The following TASOR variants were observed in gnomAD, a reference collection of about 807,000 sequenced individuals.
TASOR encodes transcription activation suppressor, also known as protein TASOR.
A neutral mutation model predicts 178.6 loss-of-function variants in TASOR; 53 were observed. That is an observed-to-expected ratio of 0.30 (90% CI 0.24 to 0.37). The LOEUF (loss-of-function observed/expected upper bound fraction) is 0.37. TASOR is among the 10% of genes least tolerant of loss of function. The probability of loss-of-function intolerance (pLI) is 1.00; values close to 1 mark genes in which losing one functional copy is unlikely to be tolerated. For missense variants in TASOR, 1,815 were observed against 1,971.4 expected (o/e 0.92, Z 1.50); for synonymous variants, 713 against 696.2 (o/e 1.02, Z -0.38).
chr3:56,669,892 T>C, intron 4 of TASOR, 101 bp from the exon 5 acceptor site: 1 of 975,252 alleles, frequency 1.0e-6, no homozygotes, highest in East Asian at 2.7e-5. Flanking sequence ...CAATTTGAGG[T>C]GTTCAAAAAT....
intron 7 of TASOR, among the ~76,000 whole-genome samples, chr3:56,665,651 G>C (rs1167124103): frequency 6.6e-6 from 1 of 151,854 alleles, no homozygotes; most frequent in Non-Finnish European, 1.5e-5. Context: ...GAGCCACTGC[G>C]CCTGGCCAAA....
rs184847448 is a variant in TASOR at position 56,636,701 on chromosome 3, A to T, written c.2824+2005T>A. Among the ~76,000 whole-genome samples, 130 of 151,520 alleles carry T rather than the reference A, an allele frequency of 8.6e-4. No homozygotes were observed. The East Asian group carries it at 0.018, about 20-fold the overall frequency. On this transcript the variant is annotated intron_variant, in intron 17 of 23. Transcript: ENST00000683822. ...CAAACATGAGACACCGTGCTTTTTTAAAAAAAAACTTATTGCCATTAAATA... is the reference window on the plus strand; with the variant it reads ...CAAACATGAGACACCGTGCTTTTTTTAAAAAAAACTTATTGCCATTAAATA...
chr3:56,660,892 C>T (rs779661256), intron 10 of TASOR, 22 bp downstream of exon 10: 1 of 1,607,022 alleles, frequency 6.2e-7, no homozygotes, highest in Admixed American at 1.7e-5. Flanking sequence ...TAATGCATTT[C>T]AATAAAATTA....
In TASOR at chr3:56,669,614, C is replaced by A. The variant is rs2030459305; in HGVS notation, c.735+86G>T. 29 of 798,724 alleles carry A rather than the reference C, an allele frequency of 3.6e-5. No homozygotes were observed. In the South Asian group the frequency reaches 5.2e-4, roughly 14 times the overall value. The allele number at this position is 798,724 out of a possible 1,614,324, so 49.5% of individuals were successfully genotyped here. On this transcript the variant is annotated intron_variant, in intron 5 of 23. Coordinates refer to ENST00000683822, the MANE Select transcript of TASOR (RefSeq NM_001365635.2). ...ACACTAACAAGCATGAACTTTTAAA[C>A]AATCTCCTAAAAACAGCATCATCTA... is the stretch of plus-strand genomic sequence containing the variant.
chr3:56,663,613 G>A, intron 7 of TASOR, 41 bp from the exon 8 acceptor site: 1 of 1,287,126 alleles, frequency 7.8e-7, no homozygotes, highest in Non-Finnish European at 1.0e-6. Context: ...TTACTCATTA[G>A]TATAATCATA....
At chr3:56,631,176 CAGTA>C (rs1360639544) in intron 18 of TASOR, among the ~76,000 whole-genome samples, 1 of 152,168 alleles carries the variant, frequency 6.6e-6, no homozygotes, top group Non-Finnish European at 1.5e-5. Context: ...CATTAGCAAT[CAGTA>C]AGGAAAGCCC....
chr3:56,682,311 T>G (rs2031864856), intron 1 of TASOR, among the ~76,000 whole-genome samples: 1 of 152,178 alleles, frequency 6.6e-6, no homozygotes, highest in Non-Finnish European at 1.5e-5. Context: ...CCACGGGCTA[T>G]TTCCATAGCG....
rs771559537 is a variant in TASOR at position 56,682,871 on chromosome 3, G to GGCCGCC, written c.130_135dup (p.Gly44_Gly45dup). 30 of 1,549,102 alleles carry GGCCGCC rather than the reference G, an allele frequency of 1.9e-5. No homozygotes were observed. Among genetic ancestry groups the GGCCGCC allele is most frequent in the East Asian group, 2.4e-5 (1 of 40,840 alleles). The stretch of plus-strand genomic sequence containing the variant: ...CCGCCGCTGGGCTCAGCGATGTTGA[G>GGCCGCC]GCCGCCGCCGCCGCCATTTTGTTGG... On this transcript the variant is annotated inframe_insertion, in exon 1 of 24. Transcript: ENST00000683822.
At position 56,668,569 on chromosome 3, in the gene TASOR, G is replaced by C. The variant is rs1400986741; in HGVS notation, c.736-11C>G. ...ACTCTTTATTTTACCCTAAAATAGAGAAAACCTTTTAAGTGTCTACCTAAA... is the reference window on the plus strand; with the variant it reads ...ACTCTTTATTTTACCCTAAAATAGACAAAACCTTTTAAGTGTCTACCTAAA... On this transcript the variant is annotated splice_polypyrimidine_tract_variant and intron_variant, in intron 5 of 23. Transcript: ENST00000683822. 2.0e-6 allele frequency: 3 copies of C among 1,527,108 alleles called. No homozygotes were observed. Among genetic ancestry groups the C allele is most frequent in the Non-Finnish European group, 1.8e-6 (2 of 1,135,984 alleles). 94.6% of individuals were successfully genotyped at this position (1,527,108 alleles called of 1,614,324 possible). A position where few individuals can be genotyped will look rare whatever the true frequency, so the allele number is the denominator to read the frequency against.
At chr3:56,642,815 A>C (rs1030657058) in intron 14 of TASOR, among the ~76,000 whole-genome samples, 3 of 152,158 alleles carry the variant, frequency 2.0e-5, no homozygotes, top group Non-Finnish European at 4.4e-5. Flanking sequence ...TCTACTAAAA[A>C]AATACAAAAA....
At chr3:56,658,800 G>A (rs866812879) in intron 11 of TASOR, among the ~76,000 whole-genome samples, 3 of 152,036 alleles carry the variant, frequency 2.0e-5, no homozygotes, top group Admixed American at 6.6e-5. Context: ...CCAGCTACTC[G>A]AGAAGCTGAG....
Position 56,651,439 on chromosome 3 carries a change from A to T in TASOR, c.1369-2382T>A, listed in dbSNP as rs148147994. ...GCCAGGCGCAGTGGCTCATGCCTGT[A>T]ATCTCAGCACTTTGGGAAGTCGAAG... On this transcript the variant is annotated intron_variant, in intron 11 of 23. Transcript: ENST00000683822. Among the ~76,000 whole-genome samples the T allele has an allele frequency of 5.6e-3, 848 of 152,302 alleles. 5 individuals are homozygous for T. The highest frequency in any genetic ancestry group is 8.1e-3 in the Admixed American group (124 of 15,300).
At position 56,640,057 on chromosome 3, in the gene TASOR, A is replaced by G; in HGVS notation, c.2693T>C (p.Phe898Ser). ...LCPSVPIEHG[F>S]RRQQSKSNNV... ...ATTTGACTTAGACTGTTGTCTACGAAATCCATGTTCAATGGGAACACTGGG... is the reference window on the plus strand; with the variant it reads ...ATTTGACTTAGACTGTTGTCTACGAGATCCATGTTCAATGGGAACACTGGG... The change falls in exon 16 of 24, where the codon TTT becomes TCT. Residue 898 changes from phenylalanine to serine, a missense_variant. Coordinates refer to ENST00000683822, the MANE Select transcript of TASOR (RefSeq NM_001365635.2). 6.2e-7 allele frequency: 1 copy of G among 1,613,248 alleles called. No individual in the cohort carries two copies. Among genetic ancestry groups the G allele is most frequent in the Non-Finnish European group, 8.5e-7 (1 of 1,179,426 alleles).
chr3:56,677,864 A>G (rs1036807270), intron 1 of TASOR, among the ~76,000 whole-genome samples: 7 of 152,222 alleles, frequency 4.6e-5, no homozygotes, highest in African/African-American at 1.4e-4. Context: ...ATAAAGGTTA[A>G]CAGCAGTAGC....
Position 56,628,564 on chromosome 3 carries a change from CA to C in TASOR, c.3797del (p.Leu1266TrpfsTer7). The part of the protein sequence containing the change: ...GNTECHPEQF[L>X]ERRSKLDKLL... The stretch of plus-strand genomic sequence containing the variant: ...GTTTATCTAATTTTGATCTTCTTTC[CA>C]AAAACTGTTCAGGATGACATTCTGT... On this transcript the variant is annotated frameshift_variant, in exon 19 of 24. Transcript: ENST00000683822. LOFTEE classifies it high-confidence loss of function. The C allele has an allele frequency of 1.3e-6, 2 of 1,595,854 alleles. No homozygotes were observed. Among genetic ancestry groups the C allele is most frequent in the Non-Finnish European group, 1.7e-6 (2 of 1,166,588 alleles).
chr3:56,623,806 A>C, intron 23 of TASOR: 1 of 1,551,396 alleles, frequency 6.4e-7, no homozygotes, highest in Non-Finnish European at 8.7e-7. Context: ...GGGAAATCCC[A>C]ACTCCCAGCT....
intron 2 of TASOR, among the ~76,000 whole-genome samples, chr3:56,672,992 C>T (rs974915583): frequency 2.0e-5 from 3 of 151,954 alleles, no homozygotes; most frequent in Non-Finnish European, 2.9e-5. Flanking sequence ...AGCTAATTTT[C>T]GTAGAGACGG....
At chr3:56,645,264 A>AT (rs72065014) in intron 14 of TASOR, among the ~76,000 whole-genome samples, 1 of 152,148 alleles carries the variant, frequency 6.6e-6, no homozygotes, top group Non-Finnish European at 1.5e-5. Context: ...ACGGAGTGAG[A>AT]TTTTGTCTCA....
chr3:56,623,886 A>G, intron 23 of TASOR: 1 of 1,505,116 alleles, frequency 6.6e-7, no homozygotes, highest in African/African-American at 1.4e-5. Flanking sequence ...GACAAATATA[A>G]AATAAAATTT....
Sources: gnomAD v4.1 joint callset for allele counts (sites outside exome capture counted in the v4.1 genomes callset) on GRCh38, gnomAD v4.1.1 for gene constraint, MANE v1.5 for transcripts, NCBI Gene and HGNC (gene_info 2026-07-23, HGNC 2026-07-21) for gene names.